The following SMYD3 variants were observed in gnomAD, a reference collection of about 807,000 sequenced individuals.
SMYD3 encodes the protein SET and MYND domain containing 3.
SMYD3 carries 36 observed loss-of-function variants against 57.7 expected under a neutral mutation model. The ratio of observed to expected loss-of-function variants is 0.62; its 90% CI spans 0.48 to 0.82. The LOEUF (loss-of-function observed/expected upper bound fraction) is 0.82, where lower values mean the gene tolerates loss of function less well. Ranked by LOEUF, SMYD3 falls within the 40% of genes least tolerant of loss-of-function variation. The pLI is 0.00. For synonymous variants in SMYD3, 211 were observed against 195.0 expected (o/e 1.08, Z -0.68); for missense variants, 515 against 538.8 (o/e 0.96, Z 0.44).
chr1:246,363,184 G>A (rs1402023956), intron 1 of SMYD3, among the ~76,000 whole-genome samples: 286 of 151,022 alleles, frequency 1.9e-3, no homozygotes, highest in African/African-American at 6.8e-3. Flanking sequence ...CCCTCCGCCC[G>A]GCAGCCACCC....
intron 1 of SMYD3, among the ~76,000 whole-genome samples, chr1:246,423,699 A>G (rs1572487969): frequency 6.6e-6 from 1 of 152,182 alleles, no homozygotes; most frequent in East Asian, 1.9e-4. Context: ...GCACTATAAG[A>G]AATCCAGTAG....
At chr1:245,769,995 G>A (rs1025057525) in intron 10 of SMYD3, among the ~76,000 whole-genome samples, 2 of 152,162 alleles carry the variant, frequency 1.3e-5, no homozygotes, top group South Asian at 2.1e-4. Context: ...ATCACTCAAC[G>A]CAGAAGCCAT....
intron 1 of SMYD3, among the ~76,000 whole-genome samples, chr1:246,436,486 C>T (rs1464181117): frequency 6.6e-6 from 1 of 152,190 alleles, no homozygotes; most frequent in Non-Finnish European, 1.5e-5. Context: ...CACTCAGCTT[C>T]CCTTAACATT....
intron 5 of SMYD3, among the ~76,000 whole-genome samples, chr1:246,079,000 C>T (rs1435639762): frequency 6.6e-6 from 1 of 151,840 alleles, no homozygotes; most frequent in Non-Finnish European, 1.5e-5. Context: ...GTCTACAAAA[C>T]CTTCTCTCAT....
intron 10 of SMYD3, among the ~76,000 whole-genome samples, chr1:245,839,436 TG>T (rs934670108): frequency 1.2e-4 from 19 of 152,276 alleles, no homozygotes; most frequent in African/African-American, 3.4e-4. Flanking sequence ...CCCAAAGTGC[TG>T]GGATTACAGG....
At position 245,803,264 on chromosome 1, in the gene SMYD3, G is replaced by A. The variant is rs535979593; in HGVS notation, c.1077-39115C>T. On this transcript the variant is annotated intron_variant, in intron 10 of 11. Transcript: ENST00000490107. ...GTCATTTGCCTCCAGCTGTTTATTCGTCACACTGGGGCACAGGAGAGGTGC... is the reference window on the plus strand; with the variant it reads ...GTCATTTGCCTCCAGCTGTTTATTCATCACACTGGGGCACAGGAGAGGTGC... Among the ~76,000 whole-genome samples, 7 of 152,256 alleles carry A rather than the reference G, an allele frequency of 4.6e-5. No individual in the cohort carries two copies. In the South Asian group the frequency reaches 1.0e-3, roughly 23 times the overall value.
At chr1:245,882,001 C>G (rs953527485) in intron 8 of SMYD3, among the ~76,000 whole-genome samples, 4 of 152,174 alleles carry the variant, frequency 2.6e-5, no homozygotes, top group African/African-American at 9.7e-5. Context: ...GTTGGGGAAG[C>G]TGGATCTCCC....
chr1:246,282,342 C>CAAAAAAAAAAAA (rs1478003812), intron 5 of SMYD3, among the ~76,000 whole-genome samples: 54 of 79,948 alleles, frequency 6.8e-4, no homozygotes, highest in East Asian at 1.4e-3. Flanking sequence ...AAAAAAAAAG[C>CAAAAAAAAAAAA]AAAAAAATTA....
chr1:246,108,028 A>C (rs1192069460), intron 5 of SMYD3, among the ~76,000 whole-genome samples: 1 of 152,214 alleles, frequency 6.6e-6, no homozygotes, highest in East Asian at 1.9e-4. Context: ...GTTTCTGGAA[A>C]ATGAAAGTCC....
intron 5 of SMYD3, among the ~76,000 whole-genome samples, chr1:246,113,302 C>T (rs1164205239): frequency 6.6e-6 from 1 of 152,062 alleles, no homozygotes; most frequent in Non-Finnish European, 1.5e-5. Flanking sequence ...TTTTAAGGAT[C>T]AAGGCTTAGA....
intron 10 of SMYD3, among the ~76,000 whole-genome samples, chr1:245,832,577 C>T (rs1558400262): frequency 1.3e-5 from 2 of 151,612 alleles, no homozygotes; most frequent in East Asian, 1.9e-4. Flanking sequence ...CTACATTTAT[C>T]TAGATGAGCA....
At chr1:246,261,551 C>T (rs2064012926) in intron 5 of SMYD3, among the ~76,000 whole-genome samples, 1 of 151,912 alleles carries the variant, frequency 6.6e-6, no homozygotes, top group African/African-American at 2.4e-5. Context: ...AACAATCACA[C>T]ATAAAATAAT....
intron 10 of SMYD3, among the ~76,000 whole-genome samples, chr1:245,843,422 C>G (rs4291470): frequency 6.6e-6 from 1 of 151,830 alleles, no homozygotes; most frequent in African/African-American, 2.4e-5. Context: ...AACTAGAAAT[C>G]TAAGTTAAAA....
At chr1:246,332,684 T>G (rs1344023733) in intron 3 of SMYD3, among the ~76,000 whole-genome samples, 1 of 152,176 alleles carries the variant, frequency 6.6e-6, no homozygotes, top group Admixed American at 6.5e-5. Context: ...GGTGGGCGCC[T>G]GTAGTCCCAG....
At chr1:245,997,751 C>G (rs1258776503) in intron 5 of SMYD3, among the ~76,000 whole-genome samples, 1 of 152,150 alleles carries the variant, frequency 6.6e-6, no homozygotes, top group African/African-American at 2.4e-5. Context: ...GACACAGTCA[C>G]GGCAGCGGAC....
intron 5 of SMYD3, among the ~76,000 whole-genome samples, chr1:246,244,540 T>C (rs1780807): frequency 0.059 from 9,017 of 152,300 alleles, 434 homozygotes; most frequent in African/African-American, 0.12. Flanking sequence ...GCCTTATTAA[T>C]GGCAAAATAG....
At chr1:246,482,066 G>A (rs1205480055) in intron 1 of SMYD3, among the ~76,000 whole-genome samples, 1 of 152,016 alleles carries the variant, frequency 6.6e-6, no homozygotes, top group Non-Finnish European at 1.5e-5. Context: ...GCTAAGGTAG[G>A]AGGGTCATTT....
chr1:245,839,296 C>T (rs915294213), intron 10 of SMYD3, among the ~76,000 whole-genome samples: 3 of 152,154 alleles, frequency 2.0e-5, no homozygotes, highest in Admixed American at 6.5e-5. Context: ...CAGCCTCCCA[C>T]GTAGCTGGGA....
intron 5 of SMYD3, among the ~76,000 whole-genome samples, chr1:246,088,254 T>C (rs2060754273): frequency 1.3e-5 from 2 of 152,022 alleles, no homozygotes; most frequent in Admixed American, 1.3e-4. Flanking sequence ...TCTCTCTCTC[T>C]CCCTCTCTCC....
Sources: gnomAD v4.1 joint callset for allele counts (sites outside exome capture counted in the v4.1 genomes callset) on GRCh38, gnomAD v4.1.1 for gene constraint, MANE v1.5 for transcripts, NCBI Gene and HGNC (gene_info 2026-07-23, HGNC 2026-07-21) for gene names.